Variants in PRH1 observed in about 807,000 individuals in gnomAD.
PRH1 encodes the protein proline rich protein HaeIII subfamily 1.
Under a neutral mutation model 7.9 loss-of-function variants are expected in PRH1, and 7 were observed. That is an observed-to-expected ratio of 0.89 (90% CI 0.50 to 1.67). The LOEUF is 1.67. PRH1 is among the 40% of genes most tolerant of loss of function. PRH1 has a pLI of 0.00. For missense variants in PRH1, 109 were observed against 223.6 expected, an observed-to-expected ratio of 0.49 and a Z score of 3.27; for synonymous variants, 45 against 80.8, an observed-to-expected ratio of 0.56 and a Z score of 2.38.
Position 11,087,497 on chromosome 12 carries a change from G to A in PRH1, n.124-40309C>T, listed in dbSNP as rs1325565783. Among the ~76,000 whole-genome samples the A allele has an allele frequency of 2.6e-5, 3 of 116,702 alleles. 1 individual carries two copies. The highest frequency in any genetic ancestry group is 6.1e-5 in the Non-Finnish European group (3 of 49,270). 76.6% of individuals were successfully genotyped at this position (116,702 alleles called of 152,430 possible). A position where few individuals can be genotyped will look rare whatever the true frequency, so the allele number is the denominator to read the frequency against. On this transcript the variant is annotated intron_variant and non_coding_transcript_variant, in intron 1 of 4. Transcript: ENST00000541977. ...GTAGTTATTACCTCTTCCTGAAAGT[G>A]TAACTGAAATGGATATGCATGGCAG... is the stretch of plus-strand genomic sequence containing the variant.
At chr12:11,052,964 G>A (rs1943212137) in intron 1 of PRH1, among the ~76,000 whole-genome samples, 1 of 151,170 alleles carries the variant, frequency 6.6e-6, no homozygotes, top group African/African-American at 2.4e-5. Flanking sequence ...AATGAAAACG[G>A]TAACAATTTT....
intron 2 of PRH1, among the ~76,000 whole-genome samples, chr12:10,946,310 G>A (rs1351133670): frequency 1.3e-5 from 2 of 152,150 alleles, no homozygotes; most frequent in Non-Finnish European, 2.9e-5. Flanking sequence ...CACAATTTAT[G>A]TTCTTCTGCC....
chr12:10,977,499 A>C (rs1377787371), intron 1 of PRH1, among the ~76,000 whole-genome samples: 1 of 152,154 alleles, frequency 6.6e-6, no homozygotes, highest in Non-Finnish European at 1.5e-5. Flanking sequence ...GGAAGATAGG[A>C]ACAAGACAAG....
At chr12:11,051,319 T>C (rs1285577192), upstream of PRH1, among the ~76,000 whole-genome samples, 1 of 152,234 alleles carries the variant, frequency 6.6e-6, no homozygotes, top group Non-Finnish European at 1.5e-5. Context: ...TCAAAAATTT[T>C]CTAATTAAAA....
At chr12:10,937,226 CTCTCTCTG>C (rs1040845368) in intron 2 of PRH1, among the ~76,000 whole-genome samples, 1 of 150,816 alleles carries the variant, frequency 6.6e-6, no homozygotes, top group African/African-American at 2.5e-5. Flanking sequence ...CTCTCTCTCT[CTCTCTCTG>C]TGTGTGTGTG....
intron 1 of PRH1, among the ~76,000 whole-genome samples, chr12:11,008,631 AT>A (rs1940934656): frequency 6.6e-6 from 1 of 152,182 alleles, no homozygotes; most frequent in African/African-American, 2.4e-5. Flanking sequence ...GTGCAATCCT[AT>A]ATGTTCTTAT....
At chr12:11,074,120 T>G (rs1305518730) in intron 1 of PRH1, among the ~76,000 whole-genome samples, 1 of 148,584 alleles carries the variant, frequency 6.7e-6, no homozygotes. Context: ...CCTTGCCTGA[T>G]CCAGATCACC....
chr12:10,951,625 G>A (rs548239040), intron 2 of PRH1, among the ~76,000 whole-genome samples: 19 of 152,076 alleles, frequency 1.2e-4, no homozygotes, highest in South Asian at 1.2e-3. Context: ...AATATTTATC[G>A]AACTGATCTC....
At chr12:10,942,374 C>T (rs753672337) in intron 2 of PRH1, among the ~76,000 whole-genome samples, 1 of 152,072 alleles carries the variant, frequency 6.6e-6, no homozygotes, top group Non-Finnish European at 1.5e-5. Context: ...AGCTCAGACT[C>T]ACTCTCTCCT....
At chr12:10,970,470 A>G (rs1034184289) in intron 2 of PRH1, among the ~76,000 whole-genome samples, 3 of 152,198 alleles carry the variant, frequency 2.0e-5, no homozygotes, top group African/African-American at 7.2e-5. Context: ...TCAATATTCA[A>G]AATTTGATGT....
At chr12:10,910,306 T>C (rs1442476181) in intron 2 of PRH1, among the ~76,000 whole-genome samples, 1 of 152,032 alleles carries the variant, frequency 6.6e-6, no homozygotes, top group Non-Finnish European at 1.5e-5. Context: ...AATAATAAAA[T>C]AGAACAATTA....
At chr12:10,925,533 C>G (rs1006078359) in intron 2 of PRH1, among the ~76,000 whole-genome samples, 3 of 152,138 alleles carry the variant, frequency 2.0e-5, no homozygotes, top group Admixed American at 1.3e-4. Context: ...CATAAAGGAT[C>G]TACATTGACT....
At chr12:10,967,172 G>A (rs1448719243) in intron 2 of PRH1, among the ~76,000 whole-genome samples, 1 of 151,008 alleles carries the variant, frequency 6.6e-6, no homozygotes, top group East Asian at 1.9e-4. Context: ...GGGTACTTCA[G>A]GTAGCGTCTT....
intron 1 of PRH1, among the ~76,000 whole-genome samples, chr12:11,028,957 C>G (rs1380394789): frequency 6.6e-6 from 1 of 152,280 alleles, no homozygotes; most frequent in Admixed American, 6.5e-5. Flanking sequence ...TTTACCACAT[C>G]AACTTATCCA....
chr12:10,984,431 T>C (rs1238804722), intron 1 of PRH1, among the ~76,000 whole-genome samples: 1 of 152,186 alleles, frequency 6.6e-6, no homozygotes, highest in Non-Finnish European at 1.5e-5. Flanking sequence ...CTTTGGATTT[T>C]GTGATGAAGT....
chr12:11,061,615 GC>G (rs1943606798), intron 1 of PRH1: 1 of 1,534,202 alleles, frequency 6.5e-7, no homozygotes, highest in African/African-American at 1.6e-5. Context: ...AGTTTGCAAA[GC>G]TTTTATGTGG....
At chr12:10,923,320 G>C (rs879697308) in intron 2 of PRH1, among the ~76,000 whole-genome samples, 1 of 151,536 alleles carries the variant, frequency 6.6e-6, no homozygotes, top group Admixed American at 6.6e-5. Flanking sequence ...TAGAGATGGG[G>C]GTTTCACCAC....
At chr12:11,094,056 G>C (rs1187909098) in intron 1 of PRH1, among the ~76,000 whole-genome samples, 3 of 113,130 alleles carry the variant, frequency 2.7e-5, no homozygotes, top group African/African-American at 8.9e-5. Context: ...TCCAGGTCCA[G>C]TGCAGGCAAG....
Position 11,026,811 on chromosome 12 carries a change from T to A in PRH1, c.-126+20209A>T, listed in dbSNP as rs544845962. On this transcript the variant is annotated intron_variant, in intron 1 of 3. Transcript: ENST00000539853. ...CTTCTGGTACTTTTTACTGGGCTTG[T>A]GATTTGCTGAATGGTTCTTAATCTA... Among the ~76,000 whole-genome samples, 94 of 152,110 alleles carry A rather than the reference T, an allele frequency of 6.2e-4. No individual in the cohort carries two copies. The Middle Eastern group carries it at 0.01, about 17-fold the overall frequency.
Sources: gnomAD v4.1 joint callset for allele counts (sites outside exome capture counted in the v4.1 genomes callset) on GRCh38, gnomAD v4.1.1 for gene constraint, MANE v1.5 for transcripts, NCBI Gene and HGNC (gene_info 2026-07-23, HGNC 2026-07-21) for gene names.